Variants in SP110 observed in about 807,000 individuals in gnomAD.
The protein encoded by SP110 is interferon-induced protein 41, 30kD.
Under a neutral mutation model 92.7 loss-of-function variants are expected in SP110, and 62 were observed. The ratio of observed to expected loss-of-function variants is 0.67; its 90% CI spans 0.55 to 0.83. The LOEUF (loss-of-function observed/expected upper bound fraction) is 0.83. SP110 is among the 40% of genes least tolerant of loss of function. SP110 has a pLI of 0.00. For missense variants in SP110, 793 were observed against 863.9 expected, an observed-to-expected ratio of 0.92 and a Z score of 1.03; for synonymous variants, 273 against 305.3, an observed-to-expected ratio of 0.89 and a Z score of 1.10.
At chr2:230,215,220 T>C in intron 2 of SP110, 102 bp from the exon 3 acceptor site, 2 of 916,670 alleles carry the variant, frequency 2.2e-6, no homozygotes, top group Non-Finnish European at 3.5e-6. Context: ...CTTACTCTTT[T>C]AAGAAGAAAT....
chr2:230,224,159 C>T (rs2046051310), upstream of SP110, among the ~76,000 whole-genome samples: 1 of 152,128 alleles, frequency 6.6e-6, no homozygotes, highest in South Asian at 2.1e-4. Flanking sequence ...CAGCAGTACC[C>T]CTGAAGTACC....
chr2:230,171,786 G>A lies in SP110; in HGVS notation c.1816-19C>T. 1 of 1,584,734 alleles carries A rather than the reference G, an allele frequency of 6.3e-7. No homozygotes were observed. The highest frequency in any genetic ancestry group is 8.7e-7 in the Non-Finnish European group (1 of 1,153,114). On this transcript the variant is annotated intron_variant, in intron 16 of 18. Transcript: ENST00000258381. The stretch of plus-strand genomic sequence containing the variant: ...CACATTTCTGTAAAATGTGAAGAGG[G>A]CTTGAAAGTGAAATGCAGCTTAGAA...
chr2:230,222,302 G>A (rs57136134), upstream of SP110, among the ~76,000 whole-genome samples: 3,837 of 151,510 alleles, frequency 0.025, 160 homozygotes, highest in African/African-American at 0.088. Context: ...TAATTCACAT[G>A]CTAGTGATTA....
intron 12 of SP110, among the ~76,000 whole-genome samples, chr2:230,180,279 C>A (rs183589743): frequency 0.011 from 1,713 of 152,214 alleles, 17 homozygotes; most frequent in African/African-American, 0.039. Context: ...TGGTAAAAAA[C>A]GAATTCATAA....
intron 10 of SP110, among the ~76,000 whole-genome samples, chr2:230,193,150 T>C (rs1348530833): frequency 6.6e-6 from 1 of 152,204 alleles, no homozygotes; most frequent in Non-Finnish European, 1.5e-5. Flanking sequence ...AAGTCTGTTT[T>C]ATCTGATATG....
intron 4 of SP110, 76 bp from the exon 5 acceptor site, chr2:230,212,506 G>A: frequency 1.6e-6 from 2 of 1,232,302 alleles, no homozygotes; most frequent in East Asian, 2.3e-5. Flanking sequence ...AAAAGTGCCT[G>A]GGGCAGATAG....
intron 10 of SP110, among the ~76,000 whole-genome samples, chr2:230,196,749 G>A (rs1380519910): frequency 6.7e-6 from 1 of 148,528 alleles, no homozygotes; most frequent in East Asian, 2.0e-4. Context: ...GTGTCCATGT[G>A]CTCTCATTGT....
At chr2:230,179,180 T>C (rs188267646) in intron 12 of SP110, among the ~76,000 whole-genome samples, 75 of 152,278 alleles carry the variant, frequency 4.9e-4, no homozygotes, top group African/African-American at 1.8e-3. Context: ...AAGAAGCCAT[T>C]CATTTCTCTG....
intron 13 of SP110, among the ~76,000 whole-genome samples, 161 bp downstream of exon 13, chr2:230,177,996 A>G (rs1344062025): frequency 6.6e-6 from 1 of 152,132 alleles, no homozygotes; most frequent in East Asian, 1.9e-4. Context: ...CAGAAATACC[A>G]TGATGTGGAA....
rs2078330956 is a variant in SP110 at position 230,167,619 on chromosome 2, T to C, written c.*1505A>G. 1 of 152,168 alleles carries C rather than the reference T, an allele frequency of 6.6e-6. No homozygotes were observed. Among genetic ancestry groups the C allele is most frequent in the Non-Finnish European group, 1.5e-5 (1 of 68,036 alleles). The allele number at this position is 152,168 out of a possible 1,614,324, so 9.4% of individuals were successfully genotyped here. ...TTTCTTCCCAAGCAACATTCTCCTT[T>C]GAAATGTGACTTTGCCACCCATCGC... is the stretch of plus-strand genomic sequence containing the variant. On this transcript the variant is annotated 3_prime_UTR_variant, in exon 19 of 19. Transcript: ENST00000258381.
chr2:230,177,357 C>A, intron 14 of SP110, 181 bp downstream of exon 14: 1 of 712,630 alleles, frequency 1.4e-6, no homozygotes, highest in South Asian at 1.6e-5. Flanking sequence ...AAGTTCTCCA[C>A]CATCAGGAAC....
At chr2:230,212,667 G>T in intron 4 of SP110, 94 bp downstream of exon 4, 1 of 1,495,086 alleles carries the variant, frequency 6.7e-7, no homozygotes, top group Non-Finnish European at 9.3e-7. Context: ...GAAGAACTAG[G>T]ACAATAAAAG....
At chr2:230,171,470 G>A (rs1057470540) in intron 17 of SP110, 42 of 576,552 alleles carry the variant, frequency 7.3e-5, no homozygotes, top group Non-Finnish European at 1.2e-4. Flanking sequence ...AGGAGGAGAA[G>A]CAACTTGCCC....
At chr2:230,212,549 G>T in intron 4 of SP110, 119 bp from the exon 5 acceptor site, 1 of 1,051,844 alleles carries the variant, frequency 9.5e-7, no homozygotes, top group Non-Finnish European at 1.5e-6. Flanking sequence ...GGGTTGGAAT[G>T]TCCCGGGAGT....
Position 230,186,168 on chromosome 2 carries a change from G to C in SP110, c.1130-25C>G, listed in dbSNP as rs186820402. 1.7e-3 allele frequency: 2,819 copies of C among 1,613,016 alleles called. 8 individuals carry two copies. The highest frequency in any genetic ancestry group is 2.3e-3 in the Non-Finnish European group (2,681 of 1,179,162). The stretch of plus-strand genomic sequence containing the variant: ...CCTGGACCAAATAGACTTGTGAATA[G>C]TTTAGTGAGCTCCCTTCTCATGTTC... On this transcript the variant is annotated intron_variant, in intron 10 of 18. Transcript: ENST00000258381.
intron 18 of SP110, among the ~76,000 whole-genome samples, chr2:230,169,952 G>A (rs1473356793): frequency 6.6e-6 from 1 of 152,124 alleles, no homozygotes; most frequent in Non-Finnish European, 1.5e-5. Context: ...TACAATCTGT[G>A]GTTTGTGAAC....
chr2:230,218,457 C>G (rs953646260), intron 1 of SP110, among the ~76,000 whole-genome samples: 4 of 152,160 alleles, frequency 2.6e-5, no homozygotes, highest in African/African-American at 9.7e-5. Flanking sequence ...GGAGAGAAAT[C>G]TACTATCCAC....
In SP110 at chr2:230,211,499, ATC is replaced by A. The variant is rs2044473826; in HGVS notation, c.720_721del (p.Glu240AspfsTer15). On this transcript the variant is annotated frameshift_variant, in exon 6 of 19. Transcript: ENST00000258381. LOFTEE classifies it high-confidence loss of function. This position sits in a 1 kb window ranked among gnomAD's most constrained non-coding sequence, Gnocchi z 4.2. ...CATAGAGCCCAAGGGAGAGTGGGGC[ATC>A]TCTTGAGGGTCTTCTTTATCTCTTA... is the stretch of plus-strand genomic sequence containing the variant. The A allele has an allele frequency of 6.2e-7, 1 of 1,610,642 alleles. No homozygotes were observed. Among genetic ancestry groups the A allele is most frequent in the African/African-American group, 1.3e-5 (1 of 74,870 alleles).
At chr2:230,174,084 T>C (rs1054982892) in intron 14 of SP110, 2 of 152,024 alleles carry the variant, frequency 1.3e-5, no homozygotes, top group Admixed American at 1.3e-4. Flanking sequence ...AAAGAACTCA[T>C]AGAAAAGGAT....
Sources: allele counts gnomAD v4.1 joint callset (sites outside exome capture counted in the v4.1 genomes callset), GRCh38; gene constraint gnomAD v4.1.1; non-coding constraint Gnocchi (gnomAD v3.1); transcripts MANE v1.5; gene names NCBI Gene and HGNC (gene_info 2026-07-23, HGNC 2026-07-21).